Variants in NAT10 observed in about 807,000 individuals in gnomAD.
NAT10 encodes the protein N-acetyltransferase 10.
In NAT10, 109 loss-of-function variants were observed where a neutral mutation model predicts 132.2. The ratio of observed to expected loss-of-function variants is 0.82; its 90% confidence interval spans 0.71 to 0.97. NAT10 has a LOEUF of 0.97. Ranked by LOEUF, NAT10 falls within the 50% of genes least tolerant of loss-of-function variation. The probability of loss-of-function intolerance (pLI) is 0.00; values close to 1 mark genes in which losing one functional copy is unlikely to be tolerated. For missense variants in NAT10, 1,184 were observed against 1,263.4 expected (o/e 0.94, Z 0.95); for synonymous variants, 479 against 478.0 (o/e 1.00, Z -0.03).
chr11:34,140,215 G>A (rs932056913), intron 23 of NAT10, among the ~76,000 whole-genome samples, 185 bp from the exon 24 acceptor site: 22 of 152,186 alleles, frequency 1.4e-4, no homozygotes, highest in African/African-American at 2.9e-4. Flanking sequence ...CTCCCCACAC[G>A]TGGCCTGGAG....
chr11:34,144,068 T>C (rs1394453274), intron 28 of NAT10, among the ~76,000 whole-genome samples: 1 of 152,204 alleles, frequency 6.6e-6, no homozygotes, highest in African/African-American at 2.4e-5. Flanking sequence ...GTCTTTGAGT[T>C]CCTTTATCTC....
chr11:34,118,262 G>T lies in NAT10; in HGVS notation c.640G>T (p.Ala214Ser). 1.9e-6 allele frequency: 3 copies of T among 1,614,106 alleles called. No individual in the cohort carries two copies. The highest frequency in any genetic ancestry group is 2.5e-6 in the Non-Finnish European group (3 of 1,180,022). Residue 214 changes from alanine (A) to serine (S), a missense_variant, in exon 7 of 29, where the codon GCC becomes TCC. By Grantham distance (99) the Ala-to-Ser change is moderately conservative. Coordinates refer to ENST00000257829, the MANE Select transcript of NAT10 (RefSeq NM_024662.3). ...LNILPISSHV[A>S]TMEALPPQTP... ...CATCCTGCCCATCTCCTCCCACGTTGCCACCATGGAGGCCCTGCCTCCCCA... is the reference window on the plus strand; with the variant it reads ...CATCCTGCCCATCTCCTCCCACGTTTCCACCATGGAGGCCCTGCCTCCCCA...
rs749592592 is a variant in NAT10, at chr11:34,134,348, G to A, written c.1764G>A (p.Gln588=). 1.2e-6 allele frequency: 2 copies of A among 1,614,228 alleles called. No individual in the cohort carries two copies. The highest frequency in any genetic ancestry group is 1.1e-5 in the South Asian group (1 of 91,086). ...QVCLEGEISR[Q]SILNSLSRGK... ...GCCTTGAAGGGGAGATTTCTCGCCA[G>A]TCCATCTTGAACAGTCTGTCTCGAG... Residue 588 remains glutamine, a synonymous_variant, in exon 17 of 29, where the codon CAG becomes CAA. Transcript: ENST00000257829.
At chr11:34,136,940 G>C in intron 20 of NAT10, 38 bp from the exon 21 acceptor site, 1 of 1,613,836 alleles carries the variant, frequency 6.2e-7, no homozygotes, top group Non-Finnish European at 8.5e-7. Flanking sequence ...CTCCCCAGAG[G>C]CCACACACAG....
At position 34,142,335 on chromosome 11, in the gene NAT10, A is replaced by G. The variant is rs759596221; in HGVS notation, c.2872A>G (p.Met958Val). Residue 958 changes from methionine (M) to valine (V), a missense_variant, in exon 27 of 29, where the codon ATG (methionine) becomes GTG (valine). By Grantham distance (21) the Met-to-Val change is conservative. Transcript: ENST00000257829. ...GAAGGAAGTAGGGAAGCTGAAGAGCATGGACCTCTCTGAGTAAGGCTTGTG... is the reference window on the plus strand; with the variant it reads ...GAAGGAAGTAGGGAAGCTGAAGAGCGTGGACCTCTCTGAGTAAGGCTTGTG... ...HKKEVGKLKSMDLSEYIIRGD... is the reference protein window; with the variant it reads ...HKKEVGKLKSVDLSEYIIRGD... 2 of 1,614,006 alleles carry G rather than the reference A, an allele frequency of 1.2e-6. No homozygotes were observed. The highest frequency in any genetic ancestry group is 1.1e-5 in the South Asian group (1 of 91,088).
At chr11:34,125,132 C>T (rs1438289039) in intron 11 of NAT10, among the ~76,000 whole-genome samples, 3 of 152,166 alleles carry the variant, frequency 2.0e-5, no homozygotes, top group African/African-American at 4.8e-5. Flanking sequence ...TATCAGAGGC[C>T]AGATTATAAA....
chr11:34,119,073 G>A (rs751205390), intron 8 of NAT10, among the ~76,000 whole-genome samples: 2 of 152,236 alleles, frequency 1.3e-5, no homozygotes, highest in Non-Finnish European at 2.9e-5. Flanking sequence ...ATTTACCCTG[G>A]TTCCAGTGCG....
chr11:34,112,439 G>A (rs139542095), intron 4 of NAT10, among the ~76,000 whole-genome samples: 2 of 152,348 alleles, frequency 1.3e-5, no homozygotes, highest in Non-Finnish European at 2.9e-5. Context: ...CTTGTCTAGA[G>A]ACACCAGAAC....
chr11:34,122,648 G>A, intron 9 of NAT10, 56 bp downstream of exon 9: 3 of 1,598,058 alleles, frequency 1.9e-6, no homozygotes, highest in East Asian at 4.5e-5. Flanking sequence ...GGGGTAGTGT[G>A]CAGGGTTGGG....
chr11:34,107,206 G>C (rs1056278510), intron 1 of NAT10: 1 of 152,028 alleles, frequency 6.6e-6, no homozygotes, highest in African/African-American at 2.4e-5. Context: ...TTTTAGTAGA[G>C]ACGGGGTTTC....
chr11:34,137,834 C>T (rs1852245362), intron 21 of NAT10, among the ~76,000 whole-genome samples: 1 of 152,086 alleles, frequency 6.6e-6, no homozygotes, highest in Non-Finnish European at 1.5e-5. Flanking sequence ...TGTCACACGT[C>T]AAGGTGAAAA....
chr11:34,127,532 A>G lies in NAT10; in HGVS notation c.1177A>G (p.Ile393Val), dbSNP rs773604567. 4 of 1,614,188 alleles carry G rather than the reference A, an allele frequency of 2.5e-6. No individual in the cohort carries two copies. Among genetic ancestry groups the G allele is most frequent in the South Asian group, 2.2e-5 (2 of 91,082 alleles). Residue 393 changes from isoleucine (I) to valine (V), a missense_variant, in exon 12 of 29, where the codon ATC becomes GTC. Transcript: ENST00000257829. ...ELVVIDEAAA[I>V]PLPLVKSLLG... ...AGTTGTGATTGATGAAGCTGCCGCC[A>G]TCCCCCTCCCCTTGGTGAAGAGCCT...
intron 28 of NAT10, among the ~76,000 whole-genome samples, chr11:34,143,772 CCTGTCATGGAGAAGGG>C (rs1223666199): frequency 6.6e-6 from 1 of 152,228 alleles, no homozygotes; most frequent in Non-Finnish European, 1.5e-5. Context: ...GGGCACTGGG[CCTGTCATGGAGAAGGG>C]CTTGAGGGAA....
chr11:34,120,143 G>GTTTTTTT (rs771235436), intron 8 of NAT10, among the ~76,000 whole-genome samples: 3 of 94,146 alleles, frequency 3.2e-5, no homozygotes, highest in Non-Finnish European at 5.7e-5. Flanking sequence ...GTTGCTGTTG[G>GTTTTTTT]TTTTTTTTTT....
intron 4 of NAT10, among the ~76,000 whole-genome samples, chr11:34,113,083 C>T (rs1851723396): frequency 6.6e-6 from 1 of 152,168 alleles, no homozygotes; most frequent in South Asian, 2.1e-4. Flanking sequence ...CAGGGAAATG[C>T]CCTGGGTTAT....
In NAT10 at chr11:34,146,834, G is replaced by A. The variant is rs1852452479; in HGVS notation, c.*642G>A. The A allele has an allele frequency of 6.6e-6, 1 of 152,248 alleles. No homozygotes were observed. The highest frequency in any genetic ancestry group is 6.5e-5 in the Admixed American group (1 of 15,278). 9.4% of individuals were successfully genotyped at this position (152,248 alleles called of 1,614,324 possible). A position where few individuals can be genotyped will look rare whatever the true frequency, so the allele number is the denominator to read the frequency against. ...TTCATCCATTTGGGAAAAGATGTTG[G>A]GAAAGGCCACTTTGCTCGCAGGGGT... is the stretch of plus-strand genomic sequence containing the variant. On this transcript the variant is annotated 3_prime_UTR_variant, in exon 29 of 29. Transcript: ENST00000257829.
intron 16 of NAT10, among the ~76,000 whole-genome samples, chr11:34,133,768 C>T (rs1852151330): frequency 6.6e-6 from 1 of 152,128 alleles, no homozygotes; most frequent in Non-Finnish European, 1.5e-5. Flanking sequence ...CATAGAGACT[C>T]TCTTCTAATG....
At chr11:34,136,864 A>G (rs2982615) in intron 20 of NAT10, 89 bp downstream of exon 20, 1,610,611 of 1,611,704 alleles carry the variant, frequency 1, 804,773 homozygotes, top group Non-Finnish European at 1. Context: ...GGTAGCTGGT[A>G]TCGGTGCTAG....
chr11:34,133,022 A>G lies in NAT10; in HGVS notation c.1618-4A>G. On this transcript the variant is annotated splice_polypyrimidine_tract_variant and splice_region_variant and intron_variant, in intron 15 of 28. Transcript: ENST00000257829. The stretch of plus-strand genomic sequence containing the variant: ...TCTCACTGACCCGTGTTTGGCTTCC[A>G]CAGAACTCTCCCAATGATCTCCAGA... 1.2e-6 allele frequency: 2 copies of G among 1,613,232 alleles called. No individual in the cohort carries two copies. Among genetic ancestry groups the G allele is most frequent in the Non-Finnish European group, 1.7e-6 (2 of 1,179,218 alleles).
Sources: gnomAD v4.1 joint callset for allele counts (sites outside exome capture counted in the v4.1 genomes callset) on GRCh38, gnomAD v4.1.1 for gene constraint, MANE v1.5 for transcripts, NCBI Gene and HGNC (gene_info 2026-07-23, HGNC 2026-07-21) for gene names.